The following ATIC variants were observed in gnomAD, a reference collection of about 807,000 sequenced individuals.
The protein encoded by ATIC is bifunctional purine biosynthesis protein ATIC.
In ATIC, 64 loss-of-function variants were observed where a neutral mutation model predicts 72.5. The ratio of observed to expected loss-of-function variants is 0.88; its 90% CI spans 0.72 to 1.09. ATIC has a LOEUF of 1.09. Among genes scored for constraint, ATIC ranks in the 50% least tolerant of loss-of-function variants. The pLI is 0.00. For synonymous variants in ATIC, 281 were observed against 267.1 expected (o/e 1.05, Z -0.51); for missense variants, 787 against 732.4 (o/e 1.07, Z -0.86).
chr2:215,339,714 A>AACGTGGATCTTCTGATGG (rs2052997763), intron 12 of ATIC, among the ~76,000 whole-genome samples: 1 of 151,644 alleles, frequency 6.6e-6, no homozygotes, highest in South Asian at 2.1e-4. Flanking sequence ...GGGTCACTGC[A>AACGTGGATCTTCTGATGG]AGCTCCGCCT....
downstream of ATIC, among the ~76,000 whole-genome samples, chr2:215,353,710 C>T (rs565051342): frequency 4.5e-4 from 68 of 152,064 alleles, 2 homozygotes; most frequent in Admixed American, 7.9e-4. Context: ...TATAGGTGCA[C>T]GCCACCACAC....
chr2:215,315,931 G>T (rs1454559313), intron 2 of ATIC, among the ~76,000 whole-genome samples: 1 of 150,980 alleles, frequency 6.6e-6, no homozygotes, highest in Non-Finnish European at 1.5e-5. Flanking sequence ...CTCCAGCCTG[G>T]ATGACAGAGA....
intron 6 of ATIC, 137 bp from the exon 7 acceptor site, chr2:215,326,685 A>G (rs564892778): frequency 9.9e-7 from 1 of 1,006,328 alleles, no homozygotes; most frequent in Admixed American, 1.7e-5. Context: ...GCTGTCATTC[A>G]TGGTGTCATC....
intron 14 of ATIC, chr2:215,347,689 C>T (rs78578335): frequency 4.6e-6 from 2 of 435,862 alleles, no homozygotes; most frequent in South Asian, 3.6e-5. Flanking sequence ...CTTAAGATAT[C>T]TTTTTTTTTT....
Position 215,344,786 on chromosome 2 carries a change from A to G in ATIC, c.1235A>G (p.Glu412Gly). 1 of 1,614,034 alleles carries G rather than the reference A, an allele frequency of 6.2e-7. No homozygotes were observed. Among genetic ancestry groups the G allele is most frequent in the Non-Finnish European group, 8.5e-7 (1 of 1,179,966 alleles). ...NVVTKNKDLP[E>G]SALRDLIVAT... is the part of the protein sequence containing the mutation. Reference sequence around the variant, plus strand: ...ATTGTGTATGTGTTTCAGTTGCCAGAGTCTGCCCTCCGAGACCTCATCGTA... The same window carrying G: ...ATTGTGTATGTGTTTCAGTTGCCAGGGTCTGCCCTCCGAGACCTCATCGTA... Residue 412 changes from glutamate to glycine, a missense_variant, in exon 13 of 16, where the codon GAG (glutamate) becomes GGG (glycine). By Grantham distance (98) the Glu-to-Gly change is moderately conservative. Transcript: ENST00000236959.
chr2:215,338,383 T>C (rs1391763315), intron 11 of ATIC, among the ~76,000 whole-genome samples: 2 of 152,272 alleles, frequency 1.3e-5, no homozygotes, highest in Non-Finnish European at 2.9e-5. Context: ...ATTGCTTATT[T>C]AATTAGCACA....
chr2:215,312,497 G>T lies in ATIC; in HGVS notation c.20-1G>T, dbSNP rs780337532. The T allele has an allele frequency of 6.2e-7, 1 of 1,614,086 alleles. No homozygotes were observed. The highest frequency in any genetic ancestry group is 8.5e-7 in the Non-Finnish European group (1 of 1,180,044). ...ATGAGAAAAAATGTCTTCTCTTTCAGCCTTATTTAGTGTCTCTGACAAAAC... is the reference window on the plus strand; with the variant it reads ...ATGAGAAAAAATGTCTTCTCTTTCATCCTTATTTAGTGTCTCTGACAAAAC... On this transcript the variant is annotated splice_acceptor_variant, in intron 1 of 15. Coordinates refer to ENST00000236959, the MANE Select transcript of ATIC (RefSeq NM_004044.7). LOFTEE classifies it high-confidence loss of function.
intron 4 of ATIC, among the ~76,000 whole-genome samples, chr2:215,322,166 G>A (rs1202164047): frequency 3.3e-5 from 5 of 152,054 alleles, no homozygotes; most frequent in Non-Finnish European, 7.4e-5. Context: ...GCCTCCCAAA[G>A]TGCTGGGATT....
chr2:215,318,886 T>A (rs1440720329), intron 3 of ATIC, among the ~76,000 whole-genome samples: 1 of 148,528 alleles, frequency 6.7e-6, no homozygotes, highest in Non-Finnish European at 1.5e-5. Context: ...ATATCTCTCT[T>A]TTTTTTTTTT....
rs2106005780 is a variant in ATIC, at chr2:215,325,271, A to G, written c.321A>G (p.Val107=). 2 of 1,613,916 alleles carry G rather than the reference A, an allele frequency of 1.2e-6. No individual in the cohort carries two copies. Among genetic ancestry groups the G allele is most frequent in the Non-Finnish European group, 1.7e-6 (2 of 1,179,866 alleles). Residue 107 remains valine (V), a synonymous_variant, in exon 5 of 16, where the codon GTA becomes GTG. Coordinates refer to ENST00000236959, the MANE Select transcript of ATIC (RefSeq NM_004044.7). ...RVVACNLYPF[V]KTVASPGVTV... Reference sequence around the variant, plus strand: ...TTGCCTGCAATCTCTATCCCTTTGTAAAGACAGTGGCTTCTCCAGGTGTAA... The same window carrying G: ...TTGCCTGCAATCTCTATCCCTTTGTGAAGACAGTGGCTTCTCCAGGTGTAA...
intron 15 of ATIC, 121 bp from the exon 16 acceptor site, chr2:215,349,412 CTGT>C: frequency 1.3e-6 from 2 of 1,578,174 alleles, no homozygotes; most frequent in Non-Finnish European, 1.7e-6. Context: ...AACCCAAATC[CTGT>C]TGTTATTTTG....
At chr2:215,361,516 CAG>C in the ATIC span, 47 of 1,387,408 alleles carry the variant, frequency 3.4e-5, no homozygotes, top group African/African-American at 4.5e-4. Context: ...TGGATCTTGG[CAG>C]AGAGACATGC....
Position 215,336,119 on chromosome 2 carries a change from C to T in ATIC, c.1093C>T (p.Leu365Phe), listed in dbSNP as rs779389808. 3 of 1,609,014 alleles carry T rather than the reference C, an allele frequency of 1.9e-6. No individual in the cohort carries two copies. The highest frequency in any genetic ancestry group is 2.6e-6 in the Non-Finnish European group (3 of 1,175,620). ...AAAGAAAAATGGAAACTATTGTGTCCTTCAGGTGAGTGCAATTCATGTTTG... is the reference window on the plus strand; with the variant it reads ...AAAGAAAAATGGAAACTATTGTGTCTTTCAGGTGAGTGCAATTCATGTTTG... ...SKKKNGNYCV[L>F]QMDQSYKPDE... is the part of the protein sequence containing the mutation. Residue 365 changes from leucine to phenylalanine, a missense_variant, in exon 11 of 16, where the codon CTT (leucine) becomes TTT (phenylalanine). Leu to Phe is a conservative substitution (Grantham distance 22, BLOSUM62 0). Transcript: ENST00000236959.
At chr2:215,330,482 C>T (rs767366298) in intron 7 of ATIC, among the ~76,000 whole-genome samples, 1 of 152,178 alleles carries the variant, frequency 6.6e-6, no homozygotes, top group Non-Finnish European at 1.5e-5. Context: ...GTATTTGTTA[C>T]AACTGATGAA....
chr2:215,334,852 GA>G, intron 9 of ATIC, 66 bp from the exon 10 acceptor site: 2 of 1,303,900 alleles, frequency 1.5e-6, no homozygotes, highest in Non-Finnish European at 2.2e-6. Flanking sequence ...TGACAGTGGA[GA>G]ATTTTATTAC....
Position 215,320,796 on chromosome 2 carries a change from C to A in ATIC, c.290+1065C>A, listed in dbSNP as rs1166906481. ...GGGTTTCACCATGTTGGTCAGGCTG[C>A]TCTTGGAACTCCTGACCTCAAATGA... is the stretch of plus-strand genomic sequence containing the variant. On this transcript the variant is annotated intron_variant, in intron 4 of 15. Transcript: ENST00000236959. Among the ~76,000 whole-genome samples, 62 of 152,094 alleles carry A rather than the reference C, an allele frequency of 4.1e-4. 1 individual carries two copies. Among genetic ancestry groups the A allele is most frequent in the Admixed American group, 4.0e-3 (61 of 15,258 alleles).
Position 215,313,473 on chromosome 2 carries a change from G to A in ATIC, c.146+849G>A, listed in dbSNP as rs142123324. Reference sequence around the variant, plus strand: ...ATGTCAAGGAGTGGCATTCTGGGAGGAGAGGGAGGAAGTCTACTGAAAGGT... The same window carrying A: ...ATGTCAAGGAGTGGCATTCTGGGAGAAGAGGGAGGAAGTCTACTGAAAGGT... On this transcript the variant is annotated intron_variant, in intron 2 of 15. Transcript: ENST00000236959. 3.9e-3 allele frequency among the ~76,000 whole-genome samples: 597 copies of A among 152,284 alleles called. 5 individuals are homozygous for A. The highest frequency in any genetic ancestry group is 0.013 in the African/African-American group (542 of 41,544).
chr2:215,321,648 C>G (rs2052768146), intron 4 of ATIC, among the ~76,000 whole-genome samples: 1 of 152,190 alleles, frequency 6.6e-6, no homozygotes, highest in Non-Finnish European at 1.5e-5. Context: ...ACGTTACTAT[C>G]TGTCTTTTTG....
intron 7 of ATIC, among the ~76,000 whole-genome samples, chr2:215,330,663 T>A (rs1363857485): frequency 1.3e-5 from 2 of 152,118 alleles, no homozygotes; most frequent in African/African-American, 4.8e-5. Flanking sequence ...TCATCCCTCC[T>A]TTCCCTTCTC....
Sources: gnomAD v4.1 joint callset for allele counts (sites outside exome capture counted in the v4.1 genomes callset) on GRCh38, gnomAD v4.1.1 for gene constraint, MANE v1.5 for transcripts, NCBI Gene and HGNC (gene_info 2026-07-23, HGNC 2026-07-21) for gene names.